Variants in SIGLEC9 observed in about 807,000 individuals in gnomAD.
The protein encoded by SIGLEC9 is sialic acid binding Ig like lectin 9.
A neutral mutation model predicts 38.3 loss-of-function variants in SIGLEC9; 26 were observed. That is an observed-to-expected ratio of 0.68 (90% confidence interval 0.50 to 0.94). SIGLEC9 has a LOEUF of 0.94. Among genes scored for constraint, SIGLEC9 ranks in the 40% least tolerant of loss-of-function variants. The pLI is 0.00. For missense variants in SIGLEC9, 556 were observed against 585.7 expected, an observed-to-expected ratio of 0.95 and a Z score of 0.52; for synonymous variants, 236 against 248.0, an observed-to-expected ratio of 0.95 and a Z score of 0.45.
rs2091968020 is a variant in SIGLEC9 at position 51,125,148 on chromosome 19, T to C, written c.174T>C (p.His58=). The C allele has an allele frequency of 1.9e-6, 3 of 1,614,016 alleles. No homozygotes were observed. Among genetic ancestry groups the C allele is most frequent in the Non-Finnish European group, 2.5e-6 (3 of 1,179,982 alleles). Reference sequence around the variant, plus strand: ...GGATTTACCCTGGCCCAGTAGTTCATGGCTACTGGTTCCGGGAAGGGGCCA... The same window carrying C: ...GGATTTACCCTGGCCCAGTAGTTCACGGCTACTGGTTCCGGGAAGGGGCCA... ...HGWIYPGPVV[H]GYWFREGANT... is the part of the protein sequence containing the mutation. The change falls in exon 1 of 7, where the codon CAT becomes CAC. Residue 58 remains histidine (H), a synonymous_variant. Coordinates refer to ENST00000250360, the MANE Select transcript of SIGLEC9 (RefSeq NM_014441.3).
At chr19:51,136,220 T>TG (rs1209527595) in exon 7 of SIGLEC9, 10 of 701,662 alleles carry the variant, frequency 1.4e-5, no homozygotes, top group Non-Finnish European at 2.6e-5. Flanking sequence ...TCTTTGAAGT[T>TG]GCTGTTCTTT....
chr19:51,128,327 C>T, intron 5 of SIGLEC9, 87 bp from the exon 6 acceptor site: 1 of 1,479,950 alleles, frequency 6.8e-7, no homozygotes, highest in Non-Finnish European at 9.4e-7. Flanking sequence ...CCTGCAGTCC[C>T]TTAATAGGAA....
In SIGLEC9 at chr19:51,128,519, T is replaced by C. The variant is rs1007348625; in HGVS notation, c.1203+9T>C. The stretch of plus-strand genomic sequence containing the variant: ...GGGGTTCAGCCTCTCAGGTGAGTGA[T>C]GTGGACTCTCCACAGCCAGCATGTA... On this transcript the variant is annotated intron_variant, in intron 6 of 6. Coordinates refer to ENST00000250360, the MANE Select transcript of SIGLEC9 (RefSeq NM_014441.3). 4.3e-6 allele frequency: 7 copies of C among 1,612,092 alleles called. No homozygotes were observed. The highest frequency in any genetic ancestry group is 1.7e-5 in the Admixed American group (1 of 59,998).
upstream of SIGLEC9, among the ~76,000 whole-genome samples, chr19:51,122,446 C>T (rs916124308): frequency 1.3e-5 from 2 of 151,958 alleles, no homozygotes; most frequent in Admixed American, 6.6e-5. The surrounding 1 kb of genome is among the most constrained non-coding windows in gnomAD (Gnocchi z 4.1). Flanking sequence ...CCTGGCGTGG[C>T]GGCACATGCC....
At chr19:51,134,326 A>G (rs1481447593), downstream of SIGLEC9, among the ~76,000 whole-genome samples, 5 of 151,150 alleles carry the variant, frequency 3.3e-5, no homozygotes, top group Non-Finnish European at 7.4e-5. Context: ...TGTATTTTTA[A>G]TAGAGATGAC....
rs928201782 is a variant in SIGLEC9, at chr19:51,130,173, A to G, written c.*94A>G. On this transcript the variant is annotated 3_prime_UTR_variant, in exon 7 of 7. Transcript: ENST00000250360. ...ATTCTTGTAGAATTAACAGCCCTCA[A>G]CGTGATGAGCTATGATAACACTATG... 8.0e-6 allele frequency: 12 copies of G among 1,497,968 alleles called. No homozygotes were observed. The African/African-American group carries it at 9.8e-5, about 12-fold the overall frequency. 92.8% of individuals were successfully genotyped at this position (1,497,968 alleles called of 1,614,324 possible).
Position 51,127,197 on chromosome 19 carries a change from G to A in SIGLEC9, c.916G>A (p.Glu306Lys). The stretch of plus-strand genomic sequence containing the variant: ...ACAGCCCTCAAACCCGGGGGTGCTG[G>A]AGCTGCCTTGGGTGCACCTGAGGGA... Reference protein sequence around the residue: ...PSQPSNPGVLELPWVHLRDAA... With the variant: ...PSQPSNPGVLKLPWVHLRDAA... The change falls in exon 4 of 7, where the codon GAG becomes AAG. Residue 306 changes from glutamate (E) to lysine (K), a missense_variant. Coordinates refer to ENST00000250360, the MANE Select transcript of SIGLEC9 (RefSeq NM_014441.3). 2 of 1,614,238 alleles carry A rather than the reference G, an allele frequency of 1.2e-6. No homozygotes were observed. The highest frequency in any genetic ancestry group is 1.7e-6 in the Non-Finnish European group (2 of 1,180,032).
downstream of SIGLEC9, among the ~76,000 whole-genome samples, chr19:51,133,431 A>T (rs2122861132): frequency 6.6e-6 from 1 of 151,898 alleles, no homozygotes; most frequent in Non-Finnish European, 1.5e-5. Context: ...AAAAAAAAAA[A>T]AAAAATTAGC....
At chr19:51,133,515 A>G (rs1377681370), downstream of SIGLEC9, among the ~76,000 whole-genome samples, 2 of 152,108 alleles carry the variant, frequency 1.3e-5, no homozygotes, top group African/African-American at 2.4e-5. Context: ...CCCAGGAGGC[A>G]GAGGTTGCAG....
At chr19:51,128,660 G>T in intron 6 of SIGLEC9, 150 bp downstream of exon 6, 1 of 686,138 alleles carries the variant, frequency 1.5e-6, no homozygotes, top group South Asian at 1.9e-5. Context: ...TGTTTGGTTG[G>T]TTTCCTCCCC....
At chr19:51,127,002 C>G (rs370785631) in intron 3 of SIGLEC9, 28 bp from the exon 4 acceptor site, 2 of 1,607,314 alleles carry the variant, frequency 1.2e-6, no homozygotes, top group Non-Finnish European at 1.7e-6. Flanking sequence ...CTATGTATCT[C>G]TCTGACCCTC....
In SIGLEC9 at chr19:51,125,718, AG is replaced by A; in HGVS notation, c.546del (p.Thr183ProfsTer33). On this transcript the variant is annotated frameshift_variant, in exon 2 of 7. Coordinates refer to ENST00000250360, the MANE Select transcript of SIGLEC9 (RefSeq NM_014441.3). LOFTEE classifies it high-confidence loss of function. ...GGACACCCCCTATGATCTCCTGGAT[AG>A]GGACCTCCGTGTCCCCCCTGGACCC... ...QGTPPMISWI[G>X]TSVSPLDPST... 2 of 1,614,006 alleles carry A rather than the reference AG, an allele frequency of 1.2e-6. No homozygotes were observed. The highest frequency in any genetic ancestry group is 2.2e-5 in the South Asian group (2 of 91,084).
rs757253120 is a variant in SIGLEC9, at chr19:51,128,415, G to T, written c.1108G>T (p.Val370Leu). 3.7e-6 allele frequency: 6 copies of T among 1,614,082 alleles called. No homozygotes were observed. Among genetic ancestry groups the T allele is most frequent in the Non-Finnish European group, 5.1e-6 (6 of 1,179,972 alleles). The stretch of plus-strand genomic sequence containing the variant: ...AGGCTCTCTGGTCTCTTCACTCAGA[G>T]TGAGGTCCTGCAGGAAGAAATCGGC... ...FLSFCVIFVVVRSCRKKSARP... is the reference protein window; with the variant it reads ...FLSFCVIFVVLRSCRKKSARP... The change falls in exon 6 of 7, where the codon GTG becomes TTG. Residue 370 changes from valine (V) to leucine (L), a missense_variant and splice_region_variant. By Grantham distance (32) the Val-to-Leu change is conservative. Coordinates refer to ENST00000250360, the MANE Select transcript of SIGLEC9 (RefSeq NM_014441.3).
At chr19:51,133,989 G>GT (rs1252789051), downstream of SIGLEC9, among the ~76,000 whole-genome samples, 4 of 151,996 alleles carry the variant, frequency 2.6e-5, no homozygotes, top group Non-Finnish European at 4.4e-5. Context: ...ATGCTCTGTA[G>GT]TTTCACTTAT....
At chr19:51,125,902 T>C (rs1369859521) in intron 2 of SIGLEC9, 27 bp downstream of exon 2, 3 of 1,613,568 alleles carry the variant, frequency 1.9e-6, no homozygotes. Flanking sequence ...GACGCCTGGG[T>C]CCCTGATGGG....
upstream of SIGLEC9, among the ~76,000 whole-genome samples, chr19:51,123,751 G>A (rs891567778): frequency 3.3e-5 from 5 of 152,112 alleles, no homozygotes; most frequent in East Asian, 1.9e-4. Context: ...TTCTTGGGGG[G>A]AAGACATTTT....
At chr19:51,125,957 G>A in intron 2 of SIGLEC9, 82 bp downstream of exon 2, 2 of 1,597,038 alleles carry the variant, frequency 1.3e-6, no homozygotes, top group East Asian at 2.2e-5. Context: ...CCGGAATCTG[G>A]GCTGGTGGTG....
Position 51,127,989 on chromosome 19 carries a change from A to G in SIGLEC9, c.1056A>G (p.Gly352=). The G allele has an allele frequency of 1.9e-6, 3 of 1,613,934 alleles. No homozygotes were observed. The highest frequency in any genetic ancestry group is 2.2e-5 in the East Asian group (1 of 44,870). ...GAGTGACTCAGGGGGTGGTCGGGGG[A>G]GCTGGAGCCACAGCCCTGGTCTTCC... ...TSGVTQGVVG[G]AGATALVFLS... is the part of the protein sequence containing the mutation. Residue 352 remains glycine (G), a synonymous_variant, in exon 5 of 7, where the codon GGA becomes GGG. Transcript: ENST00000250360.
Position 51,125,542 on chromosome 19 carries a change from C to A in SIGLEC9, c.422-55C>A, listed in dbSNP as rs190744267. The A allele has an allele frequency of 6.1e-4, 980 of 1,596,512 alleles. 1 individual carries two copies. The highest frequency in any genetic ancestry group is 3.2e-3 in the African/African-American group (241 of 74,478). ...GCTGGACCAGAGCCTGAGCTCCCCC[C>A]AGGGCTGCACCATGGATCCTCTGAC... On this transcript the variant is annotated intron_variant, in intron 1 of 6. Transcript: ENST00000250360.
Sources: allele counts gnomAD v4.1 joint callset (sites outside exome capture counted in the v4.1 genomes callset), GRCh38; gene constraint gnomAD v4.1.1; non-coding constraint Gnocchi (gnomAD v3.1); transcripts MANE v1.5; gene names NCBI Gene and HGNC (gene_info 2026-07-23, HGNC 2026-07-21).